TANGO6: variants seen among roughly 807,000 people sequenced by gnomAD.
The protein encoded by TANGO6 is transport and golgi organization 6 homolog.
In TANGO6, 90 loss-of-function variants were observed where a neutral mutation model predicts 114.2. That is an observed-to-expected ratio of 0.79 (90% CI 0.66 to 0.94). The LOEUF is 0.94. Ranked by LOEUF, TANGO6 falls within the 40% of genes least tolerant of loss-of-function variation. TANGO6 has a pLI of 0.00. For synonymous variants in TANGO6, 477 were observed against 509.8 expected (o/e 0.94, Z 0.87); for missense variants, 1,274 against 1,315.3 (o/e 0.97, Z 0.49).
intron 14 of TANGO6, among the ~76,000 whole-genome samples, chr16:68,971,054 G>A (rs1446025218): frequency 6.6e-6 from 1 of 151,724 alleles, no homozygotes; most frequent in Non-Finnish European, 1.5e-5. Flanking sequence ...CTGGGAGGCC[G>A]AGGCAGGAGA....
intron 17 of TANGO6, among the ~76,000 whole-genome samples, chr16:69,069,227 A>G (rs577692993): frequency 6.6e-6 from 1 of 152,126 alleles, no homozygotes; most frequent in Non-Finnish European, 1.5e-5. Context: ...TGCCTCCCCA[A>G]CAGGGTGTGA....
intron 7 of TANGO6, among the ~76,000 whole-genome samples, chr16:68,898,497 G>C (rs1333924320): frequency 6.6e-6 from 1 of 151,872 alleles, no homozygotes; most frequent in East Asian, 1.9e-4. Context: ...TCCTTTTATT[G>C]TGTTGTATTG....
rs145168305 is a variant in TANGO6 at position 68,905,262 on chromosome 16, G to A, written c.1668-2181G>A. Among the ~76,000 whole-genome samples the A allele has an allele frequency of 9.9e-4, 151 of 151,870 alleles. No homozygotes were observed. The Middle Eastern group carries it at 0.014, about 14-fold the overall frequency. ...AAATAAAATAAAATTGGGGCTGGGCGCAGTGGCTCACGCCTGTAATCACAG... is the reference window on the plus strand; with the variant it reads ...AAATAAAATAAAATTGGGGCTGGGCACAGTGGCTCACGCCTGTAATCACAG... On this transcript the variant is annotated intron_variant, in intron 9 of 17. Transcript: ENST00000261778.
chr16:68,860,522 G>A lies in TANGO6; in HGVS notation c.733G>A (p.Glu245Lys), dbSNP rs370800324. 34 of 1,612,582 alleles carry A rather than the reference G, an allele frequency of 2.1e-5. No individual in the cohort carries two copies. In the African/African-American group the frequency reaches 4.1e-4, roughly 20 times the overall value. The change falls in exon 2 of 18, where the codon GAG (glutamate) becomes AAG (lysine). Residue 245 changes from glutamate (E) to lysine (K), a missense_variant and splice_region_variant. This residue lies in a region of TANGO6 where 908 missense variants were observed against 910.2 expected (regional missense o/e 1.00). Coordinates refer to ENST00000261778, the MANE Select transcript of TANGO6 (RefSeq NM_024562.2). ...TKRKLLTPAE[E>K]VLTEEERTLS... ...AAGAAAACTGCTAACACCTGCAGAA[G>A]AGGTAAATATACATTGAGAAAGAGA...
At chr16:68,858,600 C>T (rs908414684) in intron 1 of TANGO6, among the ~76,000 whole-genome samples, 1 of 152,108 alleles carries the variant, frequency 6.6e-6, no homozygotes, top group African/African-American at 2.4e-5. Context: ...TCTACCTCAG[C>T]CCCCTGAGTA....
At chr16:68,982,366 C>T (rs1253492181) in intron 15 of TANGO6, among the ~76,000 whole-genome samples, 1 of 152,020 alleles carries the variant, frequency 6.6e-6, no homozygotes, top group Non-Finnish European at 1.5e-5. Context: ...GACAGAGTCT[C>T]ACTTTGTCGC....
At chr16:68,874,842 C>T (rs1189101866) in intron 4 of TANGO6, among the ~76,000 whole-genome samples, 1 of 151,866 alleles carries the variant, frequency 6.6e-6, no homozygotes, top group South Asian at 2.1e-4. Flanking sequence ...CCCAGCTACT[C>T]GGGAGGTTGA....
At chr16:68,964,948 T>C (rs1407446037) in intron 14 of TANGO6, among the ~76,000 whole-genome samples, 17 of 152,124 alleles carry the variant, frequency 1.1e-4, no homozygotes. Context: ...TGATGCAAAT[T>C]TGTTTCCAGT....
At chr16:68,862,397 A>G (rs1962107969) in intron 2 of TANGO6, among the ~76,000 whole-genome samples, 1 of 151,790 alleles carries the variant, frequency 6.6e-6, no homozygotes, top group Admixed American at 6.6e-5. Context: ...GGGTTTTGCC[A>G]TGTTGGCCAG....
chr16:68,913,405 T>A lies in TANGO6; in HGVS notation c.1992+4003T>A, dbSNP rs545810237. 4.6e-3 allele frequency among the ~76,000 whole-genome samples: 418 copies of A among 91,372 alleles called. 4 individuals carry two copies. Among genetic ancestry groups the A allele is most frequent in the African/African-American group, 0.018 (403 of 22,724 alleles). The allele number at this position is 91,372 out of a possible 152,430, so 59.9% of individuals were successfully genotyped here. A position where few individuals can be genotyped will look rare whatever the true frequency, so the allele number is the denominator to read the frequency against. On this transcript the variant is annotated intron_variant, in intron 11 of 17. Coordinates refer to ENST00000261778, the MANE Select transcript of TANGO6 (RefSeq NM_024562.2). ...TACTATACCTCAATAAAATTATTAA[T>A]TTTTTTTTTTTTTTTTTTTTTGAGA...
chr16:68,877,536 T>C (rs551455712), intron 5 of TANGO6, among the ~76,000 whole-genome samples: 2 of 151,432 alleles, frequency 1.3e-5, no homozygotes, highest in East Asian at 3.9e-4. Flanking sequence ...TGCGTATGCC[T>C]AAAATGAGCC....
chr16:69,008,582 A>G (rs915719262), intron 15 of TANGO6, among the ~76,000 whole-genome samples: 1 of 151,998 alleles, frequency 6.6e-6, no homozygotes, highest in Non-Finnish European at 1.5e-5. Context: ...TTTATCTCTT[A>G]TGCATAAATC....
intron 15 of TANGO6, among the ~76,000 whole-genome samples, chr16:69,018,161 T>TTTTTTTTTTTTTTTTA (rs1421954599): frequency 7.0e-6 from 1 of 142,284 alleles, no homozygotes; most frequent in African/African-American, 2.7e-5. Flanking sequence ...TTTTTTTTTT[T>TTTTTTTTTTTTTTTTA]GAGACAGAGT....
chr16:69,063,832 A>C (rs146752393), intron 17 of TANGO6, among the ~76,000 whole-genome samples: 3,323 of 138,910 alleles, frequency 0.024, 57 homozygotes, highest in Non-Finnish European at 0.037. Context: ...TATTATTATT[A>C]TTATTATTAT....
At chr16:69,010,462 G>T (rs537075318) in intron 15 of TANGO6, among the ~76,000 whole-genome samples, 1 of 152,046 alleles carries the variant, frequency 6.6e-6, no homozygotes, top group African/African-American at 2.4e-5. Context: ...TTCTGATCAT[G>T]TTCACCTCTC....
intron 17 of TANGO6, among the ~76,000 whole-genome samples, chr16:69,060,733 C>T (rs952904152): frequency 6.6e-6 from 1 of 152,168 alleles, no homozygotes; most frequent in Non-Finnish European, 1.5e-5. Context: ...GTGGCTCACA[C>T]CTGTAATCCC....
intron 17 of TANGO6, among the ~76,000 whole-genome samples, chr16:69,071,526 C>T (rs748748717): frequency 6.6e-6 from 1 of 152,040 alleles, no homozygotes; most frequent in Non-Finnish European, 1.5e-5. Flanking sequence ...TAAAAAACAC[C>T]TTGAAATGTA....
At chr16:69,001,854 A>C (rs1964047325) in intron 15 of TANGO6, among the ~76,000 whole-genome samples, 1 of 152,190 alleles carries the variant, frequency 6.6e-6, no homozygotes, top group African/African-American at 2.4e-5. Context: ...TTTAAATATG[A>C]GAAGAAAGAA....
Position 68,927,707 on chromosome 16 carries a change from C to T in TANGO6, c.2267C>T (p.Thr756Ile), listed in dbSNP as rs1725453488. The T allele has an allele frequency of 1.2e-6, 2 of 1,613,876 alleles. No individual in the cohort carries two copies. Among genetic ancestry groups the T allele is most frequent in the African/African-American group, 1.3e-5 (1 of 74,926 alleles). ...ITISTHGAFA[T>I]EAVSMAAQST... is the part of the protein sequence containing the mutation. Reference sequence around the variant, plus strand: ...ATCTCTACCCATGGAGCCTTTGCCACTGAGGCCGTCAGCATGGCTGCCCAA... The same window carrying T: ...ATCTCTACCCATGGAGCCTTTGCCATTGAGGCCGTCAGCATGGCTGCCCAA... Residue 756 changes from threonine (T) to isoleucine (I), a missense_variant, in exon 13 of 18, where the codon ACT (threonine) becomes ATT (isoleucine). By Grantham distance (89) the Thr-to-Ile change is moderately conservative. Around this residue, in one of 5 missense-constraint regions of TANGO6, gnomAD observed 908 missense variants for 910.2 expected, o/e 1.00. Coordinates refer to ENST00000261778, the MANE Select transcript of TANGO6 (RefSeq NM_024562.2).
Sources: gnomAD v4.1 joint callset for allele counts (sites outside exome capture counted in the v4.1 genomes callset) on GRCh38, gnomAD v4.1.1 for gene constraint, gnomAD v4.1.1 regional missense constraint, MANE v1.5 for transcripts, NCBI Gene and HGNC (gene_info 2026-07-23, HGNC 2026-07-21) for gene names.